Variants in ATP9B observed in about 807,000 individuals in gnomAD.
ATP9B encodes the protein probable phospholipid-transporting ATPase IIB.
ATP9B carries 110 observed loss-of-function variants against 146.1 expected under a neutral mutation model. The observed-to-expected ratio is 0.75, with a 90% CI of 0.65 to 0.88. The LOEUF is 0.88. Ranked by LOEUF, ATP9B falls within the 40% of genes least tolerant of loss-of-function variation. The probability of loss-of-function intolerance (pLI) is 0.00; values close to 1 mark genes in which losing one functional copy is unlikely to be tolerated. For synonymous variants in ATP9B, 604 were observed against 569.7 expected (o/e 1.06, Z -0.86); for missense variants, 1,499 against 1,496.4 (o/e 1.00, Z -0.03).
At chr18:79,142,580 GA>G (rs1486988180) in intron 5 of ATP9B, among the ~76,000 whole-genome samples, 2 of 152,170 alleles carry the variant, frequency 1.3e-5, no homozygotes, top group South Asian at 2.1e-4. Context: ...GAGGAGGCCT[GA>G]AGCTCCTAAT....
intron 10 of ATP9B, chr18:79,209,661 T>C (rs1390091854): frequency 1.5e-5 from 15 of 985,292 alleles, no homozygotes; most frequent in Non-Finnish European, 1.8e-5. Context: ...CATTCAGTGT[T>C]GTGTCTTCCT....
intron 13 of ATP9B, among the ~76,000 whole-genome samples, chr18:79,302,284 A>C (rs922101517): frequency 1.4e-4 from 21 of 151,874 alleles, no homozygotes; most frequent in Admixed American, 8.5e-4. Flanking sequence ...CCCTGCCCCC[A>C]CCCTCCCCGG....
At chr18:79,155,688 C>G (rs1032760381) in intron 7 of ATP9B, among the ~76,000 whole-genome samples, 1 of 145,720 alleles carries the variant, frequency 6.9e-6, no homozygotes, top group African/African-American at 2.5e-5. Flanking sequence ...TTTAATTTTT[C>G]TGTATTTATA....
intron 12 of ATP9B, among the ~76,000 whole-genome samples, chr18:79,261,650 A>G (rs1476538727): frequency 6.6e-6 from 1 of 152,188 alleles, no homozygotes; most frequent in Non-Finnish European, 1.5e-5. Flanking sequence ...TAGTGATGGC[A>G]TCTTTAAGAA....
chr18:79,327,629 GTGCCCTCCCTGGTTAGCA>G (rs1189794863), intron 15 of ATP9B, among the ~76,000 whole-genome samples: 3 of 142,900 alleles, frequency 2.1e-5, no homozygotes, highest in African/African-American at 5.3e-5. Flanking sequence ...CCTGGTTAGT[GTGCCCTCCCTGGTTAGCA>G]TGCTCTCCGT....
intron 5 of ATP9B, among the ~76,000 whole-genome samples, chr18:79,137,854 C>T (rs747602473): frequency 2.6e-5 from 4 of 152,236 alleles, no homozygotes; most frequent in Non-Finnish European, 5.9e-5. Context: ...GCTCTGCCCT[C>T]ATTTTTCCAT....
intron 23 of ATP9B, 92 bp from the exon 24 acceptor site, chr18:79,347,678 G>T (rs1440384026): frequency 9.3e-6 from 13 of 1,396,894 alleles, no homozygotes; most frequent in Non-Finnish European, 1.1e-5. Flanking sequence ...TTCGGTCTTT[G>T]TAACATTTAG....
chr18:79,297,292 A>G (rs181617883), intron 13 of ATP9B, among the ~76,000 whole-genome samples: 94 of 150,398 alleles, frequency 6.3e-4, no homozygotes, highest in African/African-American at 1.8e-3. Context: ...GAGAGGAGAC[A>G]CAGACGACCC....
At chr18:79,327,999 C>T (rs1463729015) in intron 15 of ATP9B, among the ~76,000 whole-genome samples, 4 of 137,594 alleles carry the variant, frequency 2.9e-5, no homozygotes, top group East Asian at 4.4e-4. Flanking sequence ...GCGTGCTCTC[C>T]GTGGTTAGCG....
intron 12 of ATP9B, among the ~76,000 whole-genome samples, chr18:79,258,033 C>A (rs1413269185): frequency 6.6e-6 from 1 of 152,222 alleles, no homozygotes; most frequent in African/African-American, 2.4e-5. Flanking sequence ...AGTAAAATAA[C>A]ATAGAAAGAT....
At chr18:79,319,215 G>T (rs561630399) in intron 15 of ATP9B, among the ~76,000 whole-genome samples, 1 of 152,296 alleles carries the variant, frequency 6.6e-6, no homozygotes, top group Non-Finnish European at 1.5e-5. Context: ...AAAAGTTGAG[G>T]AACAAACATT....
rs2097044984 is a variant in ATP9B, at chr18:79,367,969, G to A, written c.3013-4856G>A. On this transcript the variant is annotated intron_variant, in intron 26 of 29. Transcript: ENST00000426216. ...GCGTGGGGTCCTGTGTGGGGCCCTG[G>A]GCAGGAAAAGCACATTTGAGAAAAA... 7.9e-5 allele frequency among the ~76,000 whole-genome samples: 12 copies of A among 152,326 alleles called. No homozygotes were observed. The South Asian group carries it at 2.5e-3, about 32-fold the overall frequency.
intron 19 of ATP9B, 145 bp downstream of exon 19, chr18:79,337,594 C>T (rs1568740667): frequency 5.3e-6 from 6 of 1,138,632 alleles, no homozygotes; most frequent in Non-Finnish European, 7.3e-6. Context: ...AGCTCCCCTC[C>T]TTCCTTAGGG....
chr18:79,367,225 AC>A (rs2097037390), intron 26 of ATP9B, among the ~76,000 whole-genome samples: 1 of 117,254 alleles, frequency 8.5e-6, no homozygotes. Context: ...TGCCTCCTCA[AC>A]CAGAGAGCAC....
chr18:79,126,037 C>G (rs879805903), intron 4 of ATP9B, among the ~76,000 whole-genome samples: 1 of 152,048 alleles, frequency 6.6e-6, no homozygotes, highest in African/African-American at 2.4e-5. Context: ...CTTGAAGTAT[C>G]TATTAGGAGG....
intron 1 of ATP9B, among the ~76,000 whole-genome samples, chr18:79,076,125 A>G (rs565119715): frequency 1.3e-5 from 2 of 152,364 alleles, no homozygotes; most frequent in East Asian, 3.9e-4. Flanking sequence ...GTAAAAGTAT[A>G]TAAATATTTC....
At chr18:79,216,640 G>A (rs1281438504) in intron 11 of ATP9B, among the ~76,000 whole-genome samples, 3 of 152,160 alleles carry the variant, frequency 2.0e-5, no homozygotes, top group Admixed American at 6.5e-5. Context: ...CAGCTACCAC[G>A]TGGCCTAGAA....
intron 11 of ATP9B, among the ~76,000 whole-genome samples, chr18:79,234,045 G>A (rs116098394): frequency 2.7e-3 from 418 of 152,264 alleles, no homozygotes; most frequent in African/African-American, 9.8e-3. Context: ...GACTCTTGCA[G>A]TTCAAACCCT....
intron 13 of ATP9B, among the ~76,000 whole-genome samples, chr18:79,283,034 AC>A (rs2096395221): frequency 6.6e-6 from 1 of 152,176 alleles, no homozygotes; most frequent in Non-Finnish European, 1.5e-5. Context: ...GGCCTCTAGT[AC>A]CCTGGTGAAA....
Sources: gnomAD v4.1 joint callset for allele counts (sites outside exome capture counted in the v4.1 genomes callset) on GRCh38, gnomAD v4.1.1 for gene constraint, MANE v1.5 for transcripts, NCBI Gene and HGNC (gene_info 2026-07-23, HGNC 2026-07-21) for gene names.